The following NHSL2 variants were observed in gnomAD, a reference collection of about 807,000 sequenced individuals.
The protein encoded by NHSL2 is NHS like 2, also known as NHS-like protein 2.
In NHSL2, 27 loss-of-function variants were observed where a neutral mutation model predicts 53.4. The ratio of observed to expected loss-of-function variants is 0.51; its 90% CI spans 0.37 to 0.70. The LOEUF (loss-of-function observed/expected upper bound fraction) is 0.70. Among genes scored for constraint, NHSL2 ranks in the 30% least tolerant of loss-of-function variants. NHSL2 has a pLI of 0.00. For missense variants in NHSL2, 892 were observed against 980.1 expected, an observed-to-expected ratio of 0.91 and a Z score of 1.20; for synonymous variants, 408 against 404.1, an observed-to-expected ratio of 1.01 and a Z score of -0.12.
chrX:71,954,892 T>C (rs1242294690), intron 1 of NHSL2, among the ~76,000 whole-genome samples: 1 of 112,183 alleles, frequency 8.9e-6, no homozygotes, highest in Non-Finnish European at 1.9e-5. Context: ...CCACTTCCTT[T>C]CCAAACACTG....
intron 1 of NHSL2, among the ~76,000 whole-genome samples, chrX:71,971,547 T>C (rs2041924940): frequency 8.9e-6 from 1 of 112,048 alleles, no homozygotes; most frequent in Non-Finnish European, 1.9e-5. Context: ...CTTATTCCAG[T>C]GCAGCTCTGT....
At chrX:71,932,651 A>T (rs1168196277) in intron 1 of NHSL2, among the ~76,000 whole-genome samples, 1 of 111,951 alleles carries the variant, frequency 8.9e-6, no homozygotes, top group Non-Finnish European at 1.9e-5. Flanking sequence ...CTTGAGGCCT[A>T]TGTGATGGTG....
At chrX:72,115,431 C>CA (rs1233726879) in intron 1 of NHSL2, among the ~76,000 whole-genome samples, 1 of 15,994 alleles carries the variant, frequency 6.3e-5, no homozygotes, top group African/African-American at 1.8e-4. Context: ...TTGGTGGGGG[C>CA]GGGGGGGGGG....
At chrX:72,081,376 G>A (rs748034717) in intron 1 of NHSL2, among the ~76,000 whole-genome samples, 2 of 112,432 alleles carry the variant, frequency 1.8e-5, no homozygotes, top group Non-Finnish European at 3.8e-5. Flanking sequence ...AAGGGTCTTG[G>A]TAACTTTTGC....
chrX:71,975,286 C>T (rs1275315058), intron 1 of NHSL2, among the ~76,000 whole-genome samples: 2 of 111,825 alleles, frequency 1.8e-5, no homozygotes, highest in Non-Finnish European at 3.8e-5. Context: ...ATTCATACAC[C>T]CATTTTTATC....
Position 72,139,616 on chromosome X carries a change from C to T in NHSL2, c.2068C>T (p.Leu690Phe), listed in dbSNP as rs1569484144. 2.5e-6 allele frequency: 3 copies of T among 1,210,558 alleles called. 1 individual carries two copies. Among genetic ancestry groups the T allele is most frequent in the South Asian group, 3.5e-5 (2 of 56,896 alleles). Residue 690 changes from leucine to phenylalanine, a missense_variant, in exon 6 of 8, where the codon CTC becomes TTC. Transcript: ENST00000633930. ...STSRATTPSQ[L>F]SIEVEAREIS... Reference sequence around the variant, plus strand: ...CTCCAGAGCCACTACACCTTCCCAACTCTCCATTGAAGTGGAGGCCAGGGA... The same window carrying T: ...CTCCAGAGCCACTACACCTTCCCAATTCTCCATTGAAGTGGAGGCCAGGGA...
rs1569467132 is a variant in NHSL2 at position 71,964,031 on chromosome X, A to ATATATATGTGTGTGTG, written c.280+52671_280+52672insGTGTGTGTGTATATAT. Among the ~76,000 whole-genome samples the ATATATATGTGTGTGTG allele has an allele frequency of 1.1e-3, 46 of 40,238 alleles. 3 individuals carry two copies. In the South Asian group the frequency reaches 0.022, roughly 19 times the overall value. 34.9% of individuals were successfully genotyped at this position (40,238 alleles called of 115,157 possible). A position where few individuals can be genotyped will look rare whatever the true frequency, so the allele number is the denominator to read the frequency against. ...TATATGTATATATATATATGTGTATATATATATATATGTATATATATATAT... is the reference window on the plus strand; with the variant it reads ...TATATGTATATATATATATGTGTATATATATATGTGTGTGTGTATATATATATGTATATATATATAT... On this transcript the variant is annotated intron_variant, in intron 1 of 7. Transcript: ENST00000633930.
chrX:72,131,475 T>C, intron 1 of NHSL2: 5 of 1,206,600 alleles, frequency 4.1e-6, no homozygotes, highest in Non-Finnish European at 5.6e-6. Context: ...GAAGGGCATT[T>C]AATTCTTCGC....
At chrX:71,958,396 C>A (rs1435502011) in intron 1 of NHSL2, among the ~76,000 whole-genome samples, 2 of 111,772 alleles carry the variant, frequency 1.8e-5, no homozygotes, top group Non-Finnish European at 3.8e-5. Flanking sequence ...TTCTTCCCAG[C>A]TCAGCTCTTA....
Position 72,140,015 on chromosome X carries a change from G to A in NHSL2, c.2467G>A (p.Val823Ile), listed in dbSNP as rs770239183. Reference sequence around the variant, plus strand: ...TCCCAACCAGCCAATCATGCCTATGGTTACTCAGTCCGACCTACGTTCTGT... The same window carrying A: ...TCCCAACCAGCCAATCATGCCTATGATTACTCAGTCCGACCTACGTTCTGT... ...TNPNQPIMPM[V>I]TQSDLRSVRL... The change falls in exon 6 of 8, where the codon GTT (valine) becomes ATT (isoleucine). Residue 823 changes from valine (V) to isoleucine (I), a missense_variant. Transcript: ENST00000633930. 1 of 1,208,425 alleles carries A rather than the reference G, an allele frequency of 8.3e-7. No individual in the cohort carries two copies. The highest frequency in any genetic ancestry group is 1.8e-5 in the African/African-American group (1 of 57,060).
intron 1 of NHSL2, among the ~76,000 whole-genome samples, chrX:72,047,059 A>G (rs764863873): frequency 9.0e-6 from 1 of 111,697 alleles, no homozygotes; most frequent in Non-Finnish European, 1.9e-5. Flanking sequence ...AGCACACACA[A>G]TAGCTGTCAT....
Position 72,105,948 on chromosome X carries a change from G to C in NHSL2, c.281-26131G>C, listed in dbSNP as rs566666965. On this transcript the variant is annotated intron_variant, in intron 1 of 7. Transcript: ENST00000633930. ...CATGAGGCCGGGCGCGGTGGCTCACGCCTGTAATCCCAGCACTTTGGGAGG... is the reference window on the plus strand; with the variant it reads ...CATGAGGCCGGGCGCGGTGGCTCACCCCTGTAATCCCAGCACTTTGGGAGG... 3.0e-4 allele frequency among the ~76,000 whole-genome samples: 34 copies of C among 112,059 alleles called. No homozygotes were observed. The South Asian group carries it at 9.3e-3, about 31-fold the overall frequency.
chrX:72,083,915 C>G (rs1195838703), intron 1 of NHSL2, among the ~76,000 whole-genome samples: 1 of 111,708 alleles, frequency 9.0e-6, no homozygotes, highest in African/African-American at 3.3e-5. Flanking sequence ...TTTTATTGCC[C>G]CTTACTCCCC....
chrX:72,058,501 C>T (rs761874840), intron 1 of NHSL2, among the ~76,000 whole-genome samples: 51 of 111,602 alleles, frequency 4.6e-4, no homozygotes, highest in Non-Finnish European at 8.5e-4. Flanking sequence ...CGCGCCACCA[C>T]GCCCAGCTAA....
At chrX:72,069,598 G>A (rs4986613) in intron 1 of NHSL2, 1 of 710,073 alleles carries the variant, frequency 1.4e-6, no homozygotes, top group Non-Finnish European at 1.8e-6. Flanking sequence ...AGGCAGAGGA[G>A]GAGGAGGAGG....
chrX:71,964,021 A>ATGTG (rs1319369630), intron 1 of NHSL2, among the ~76,000 whole-genome samples: 1 of 7,086 alleles, frequency 1.4e-4, no homozygotes, highest in Non-Finnish European at 4.8e-4. Flanking sequence ...GTATATATAT[A>ATGTG]TATGTGTATA....
chrX:71,959,980 T>C (rs2041860468), intron 1 of NHSL2, among the ~76,000 whole-genome samples: 1 of 112,036 alleles, frequency 8.9e-6, no homozygotes, highest in Non-Finnish European at 1.9e-5. Flanking sequence ...GCCAGACTGT[T>C]TTCCAAAGTG....
In NHSL2 at chrX:72,149,459, G is replaced by GA. The variant is rs1198451416; in HGVS notation, c.*5886dup. 1 of 112,052 alleles carries GA rather than the reference G, an allele frequency of 8.9e-6. No homozygotes were observed. Among genetic ancestry groups the GA allele is most frequent in the Non-Finnish European group, 1.9e-5 (1 of 53,249 alleles). The allele number at this position is 112,052 out of a possible 1,213,427, so 9.2% of individuals were successfully genotyped here. ...CCTCTTTGTAATGCCAAGCTTTATA[G>GA]ACATTTATTCCTTAGGTGGTCTTGA... is the stretch of plus-strand genomic sequence containing the variant. On this transcript the variant is annotated 3_prime_UTR_variant, in exon 8 of 8. Coordinates refer to ENST00000633930, the MANE Select transcript of NHSL2 (RefSeq NM_001013627.3).
chrX:71,967,023 CTG>C (rs2147855532), intron 1 of NHSL2, among the ~76,000 whole-genome samples: 1 of 112,058 alleles, frequency 8.9e-6, no homozygotes, highest in Admixed American at 9.5e-5. Flanking sequence ...CTTTGGCAAA[CTG>C]TGTCATTCAA....
Sources: allele counts gnomAD v4.1 joint callset (sites outside exome capture counted in the v4.1 genomes callset), GRCh38; gene constraint gnomAD v4.1.1; transcripts MANE v1.5; gene names NCBI Gene and HGNC (gene_info 2026-07-23, HGNC 2026-07-21).